The following GRID1 variants were observed in gnomAD, a reference collection of about 807,000 sequenced individuals.
GRID1 encodes glutamate ionotropic receptor delta type subunit 1, also known as glutamate receptor ionotropic, delta-1.
A neutral mutation model predicts 98.0 loss-of-function variants in GRID1; 28 were observed. The observed-to-expected ratio is 0.29, with a 90% confidence interval of 0.21 to 0.39. The LOEUF is 0.39. Ranked by LOEUF, GRID1 falls within the 10% of genes least tolerant of loss-of-function variation. GRID1 has a pLI of 1.00. For synonymous variants in GRID1, 553 were observed against 538.5 expected, an observed-to-expected ratio of 1.03 and a Z score of -0.37; for missense variants, 1,111 against 1,340.5, an observed-to-expected ratio of 0.83 and a Z score of 2.67.
At chr10:85,701,057 T>C (rs572891874) in intron 12 of GRID1, among the ~76,000 whole-genome samples, 1 of 152,324 alleles carries the variant, frequency 6.6e-6, no homozygotes, top group East Asian at 1.9e-4. Context: ...GGCCATTTTT[T>C]AAAATCTGGG....
chr10:85,866,171 C>T (rs556310677), intron 6 of GRID1, among the ~76,000 whole-genome samples: 9 of 150,648 alleles, frequency 6.0e-5, no homozygotes, highest in Non-Finnish European at 1.2e-4. Flanking sequence ...TGATTGAGTA[C>T]CCATGGGAGA....
intron 12 of GRID1, among the ~76,000 whole-genome samples, chr10:85,669,578 T>C (rs961121320): frequency 6.6e-6 from 1 of 152,118 alleles, no homozygotes; most frequent in Non-Finnish European, 1.5e-5. Context: ...CCATTTTTCA[T>C]CCATGACTTC....
chr10:86,130,588 T>G (rs1320119501), intron 4 of GRID1, among the ~76,000 whole-genome samples: 1 of 152,176 alleles, frequency 6.6e-6, no homozygotes, highest in Non-Finnish European at 1.5e-5. Flanking sequence ...GAAGATCAGC[T>G]GCAGGATGGT....
At chr10:85,655,742 C>T (rs1590177067) in intron 12 of GRID1, among the ~76,000 whole-genome samples, 2 of 152,314 alleles carry the variant, frequency 1.3e-5, no homozygotes, top group African/African-American at 4.8e-5. Flanking sequence ...GAGAACTTTG[C>T]TTTTCTAGAG....
In GRID1 at chr10:85,915,893, C is replaced by T. The variant is rs562342478; in HGVS notation, c.780+293G>A. ...CTGCCCTAATTGCTCCAGCCCCTGG[C>T]TCCCACTGGCTGCCTCACCTCACCT... On this transcript the variant is annotated intron_variant, in intron 5 of 15. Coordinates refer to ENST00000327946, the MANE Select transcript of GRID1 (RefSeq NM_017551.3). Among the ~76,000 whole-genome samples, 21 of 152,306 alleles carry T rather than the reference C, an allele frequency of 1.4e-4. No homozygotes were observed. The South Asian group carries it at 3.9e-3, about 29-fold the overall frequency.
chr10:85,905,431 C>T (rs1841446432), intron 5 of GRID1, among the ~76,000 whole-genome samples: 2 of 151,812 alleles, frequency 1.3e-5, no homozygotes, highest in South Asian at 2.1e-4. Context: ...TACGGATCTT[C>T]GCACCAAAAA....
At position 86,192,859 on chromosome 10, in the gene GRID1, C is replaced by A. The variant is rs149755272; in HGVS notation, c.520+13505G>T. 1.6e-3 allele frequency among the ~76,000 whole-genome samples: 245 copies of A among 152,082 alleles called. 3 individuals are homozygous for A. The highest frequency in any genetic ancestry group is 5.8e-3 in the African/African-American group (239 of 41,532). ...TCTCCAGCAACAAAATCCTTAAAGG[C>A]CCCACAGTGAGGATGCAGCCTCCCA... On this transcript the variant is annotated intron_variant, in intron 3 of 15. Coordinates refer to ENST00000327946, the MANE Select transcript of GRID1 (RefSeq NM_017551.3). The surrounding 1 kb of genome is among the most constrained non-coding windows in gnomAD (Gnocchi z 4.8).
chr10:86,076,035 G>A (rs1250225321), intron 4 of GRID1, among the ~76,000 whole-genome samples: 1 of 152,154 alleles, frequency 6.6e-6, no homozygotes, highest in Non-Finnish European at 1.5e-5. Flanking sequence ...AGAGAGGGAA[G>A]CAAGGAGGAA....
chr10:85,889,075 T>G (rs926432370), intron 5 of GRID1, among the ~76,000 whole-genome samples: 2 of 152,202 alleles, frequency 1.3e-5, no homozygotes, highest in Admixed American at 1.3e-4. Flanking sequence ...TACTTGGATT[T>G]TAAAAGCACT....
chr10:86,130,881 C>G (rs962786776), intron 4 of GRID1, among the ~76,000 whole-genome samples: 1 of 152,156 alleles, frequency 6.6e-6, no homozygotes, highest in South Asian at 2.1e-4. Context: ...CTAGTGCTAC[C>G]GTGGGGCCAG....
intron 2 of GRID1, among the ~76,000 whole-genome samples, chr10:86,355,300 C>A (rs1848519365): frequency 6.6e-6 from 1 of 152,258 alleles, no homozygotes; most frequent in Non-Finnish European, 1.5e-5. Context: ...CACGGATGCT[C>A]CAGTGGAGGC....
At chr10:86,323,335 A>T (rs1847996403) in intron 2 of GRID1, among the ~76,000 whole-genome samples, 1 of 152,204 alleles carries the variant, frequency 6.6e-6, no homozygotes, top group Non-Finnish European at 1.5e-5. Flanking sequence ...GAATTAAATG[A>T]CTTACTATGT....
chr10:86,288,502 C>T (rs867821), intron 2 of GRID1, among the ~76,000 whole-genome samples: 120,610 of 152,162 alleles, frequency 0.79, 49,714 homozygotes, highest in Non-Finnish European at 0.91. Context: ...TCCACTTCAG[C>T]AACTTGGTCT....
At chr10:85,678,792 C>T (rs1024411671) in intron 12 of GRID1, among the ~76,000 whole-genome samples, 9 of 152,140 alleles carry the variant, frequency 5.9e-5, no homozygotes, top group Non-Finnish European at 8.8e-5. Flanking sequence ...TCTTCTCTCC[C>T]CTTCCTCTCA....
intron 12 of GRID1, among the ~76,000 whole-genome samples, chr10:85,708,074 T>C (rs1324148516): frequency 3.4e-5 from 5 of 149,082 alleles, no homozygotes; most frequent in African/African-American, 1.2e-4. Context: ...ATAACAAACC[T>C]GCACGTTGTG....
At chr10:85,747,236 C>A (rs1212264495) in intron 8 of GRID1, among the ~76,000 whole-genome samples, 1 of 152,022 alleles carries the variant, frequency 6.6e-6, no homozygotes, top group Admixed American at 6.6e-5. Context: ...GCTTCCTATG[C>A]ACATAGCAGT....
chr10:86,325,365 A>G (rs1437866301), intron 2 of GRID1, among the ~76,000 whole-genome samples: 1 of 152,238 alleles, frequency 6.6e-6, no homozygotes. Context: ...TGCGGCCAGC[A>G]GGAGGCAGGG....
chr10:85,823,046 G>C (rs531386195), intron 8 of GRID1, among the ~76,000 whole-genome samples: 1 of 152,160 alleles, frequency 6.6e-6, no homozygotes, highest in Admixed American at 6.5e-5. Context: ...CATGAGTTGC[G>C]GGGAGGGGGT....
chr10:85,976,028 C>G (rs1589320818), intron 4 of GRID1, among the ~76,000 whole-genome samples: 1 of 152,188 alleles, frequency 6.6e-6, no homozygotes, highest in Non-Finnish European at 1.5e-5. Context: ...ACCTTACCAG[C>G]TCATCACGGG....
Sources: allele counts gnomAD v4.1 joint callset (sites outside exome capture counted in the v4.1 genomes callset), GRCh38; gene constraint gnomAD v4.1.1; non-coding constraint Gnocchi (gnomAD v3.1); transcripts MANE v1.5; gene names NCBI Gene and HGNC (gene_info 2026-07-23, HGNC 2026-07-21).